NPTN: variants seen among roughly 807,000 people sequenced by gnomAD.
The protein encoded by NPTN is SDR-1.
A neutral mutation model predicts 42.7 loss-of-function variants in NPTN; 5 were observed. The observed-to-expected ratio is 0.12, with a 90% CI of 0.06 to 0.25. NPTN has a LOEUF of 0.25. Ranked by LOEUF, NPTN falls within the 10% of genes least tolerant of loss-of-function variation. The probability of loss-of-function intolerance (pLI) is 1.00; values close to 1 mark genes in which losing one functional copy is unlikely to be tolerated. For missense variants in NPTN, 307 were observed against 525.4 expected (o/e 0.58, Z 4.06); for synonymous variants, 180 against 201.9 (o/e 0.89, Z 0.92).
At chr15:73,565,102 G>T (rs1894905797) in intron 6 of NPTN, among the ~76,000 whole-genome samples, 2 of 152,226 alleles carry the variant, frequency 1.3e-5, no homozygotes, top group African/African-American at 4.8e-5. Context: ...GTTGCATGGA[G>T]GTGTTTTAGC....
At chr15:73,594,790 T>C (rs959064645) in intron 2 of NPTN, among the ~76,000 whole-genome samples, 3 of 152,184 alleles carry the variant, frequency 2.0e-5, no homozygotes, top group Non-Finnish European at 4.4e-5. Flanking sequence ...ACCTAAAAAC[T>C]GGGCACACTT....
intron 1 of NPTN, among the ~76,000 whole-genome samples, chr15:73,629,273 C>A (rs890087034): frequency 6.6e-6 from 1 of 152,190 alleles, no homozygotes; most frequent in Non-Finnish European, 1.5e-5. Context: ...TCAAGGCAAA[C>A]TATTTCTTCT....
At chr15:73,629,893 T>C (rs190390875) in intron 1 of NPTN, among the ~76,000 whole-genome samples, 2 of 151,036 alleles carry the variant, frequency 1.3e-5, no homozygotes, top group Non-Finnish European at 3.0e-5. Flanking sequence ...CAAATAAAAA[T>C]ATTAACTTCC....
At chr15:73,582,249 T>C (rs1268336552) in intron 4 of NPTN, among the ~76,000 whole-genome samples, 3 of 152,196 alleles carry the variant, frequency 2.0e-5, no homozygotes, top group African/African-American at 7.2e-5. Context: ...AACACAGAGA[T>C]TCTGCATTTA....
chr15:73,604,148 C>T (rs1336072134), intron 1 of NPTN, among the ~76,000 whole-genome samples: 2 of 151,328 alleles, frequency 1.3e-5, no homozygotes, highest in African/African-American at 4.9e-5. Flanking sequence ...AAGTCAATGA[C>T]AAAAAAGAAA....
intron 8 of NPTN, among the ~76,000 whole-genome samples, chr15:73,561,316 T>A (rs531840638): frequency 6.6e-6 from 1 of 152,276 alleles, no homozygotes; most frequent in African/African-American, 2.4e-5. Context: ...TGTAAAGATA[T>A]AATAGTAGTG....
chr15:73,561,807 A>G lies in NPTN; in HGVS notation c.*14+89T>C, dbSNP rs985250904. On this transcript the variant is annotated intron_variant, in intron 8 of 8. Coordinates refer to ENST00000345330, the MANE Select transcript of NPTN (RefSeq NM_012428.4). ...GAAATGAACTAAAATATCTTATAAC[A>G]CCAATTACTGAAGAATTTGTAACAA... 1.4e-4 allele frequency: 137 copies of G among 969,484 alleles called. 1 individual carries two copies. The South Asian group carries it at 1.8e-3, about 13-fold the overall frequency. The allele number at this position is 969,484 out of a possible 1,614,324, so 60.1% of individuals were successfully genotyped here. A position where few individuals can be genotyped will look rare whatever the true frequency, so the allele number is the denominator to read the frequency against.
At chr15:73,591,918 T>G (rs773591046) in intron 3 of NPTN, 48 bp downstream of exon 3, 1 of 1,543,638 alleles carries the variant, frequency 6.5e-7, no homozygotes, top group Non-Finnish European at 8.8e-7. Flanking sequence ...TCAAGTAAGC[T>G]CAGCCACACT....
rs1016506235 is a variant in NPTN, at chr15:73,569,890, G to A, written c.1114+260C>T. 4 of 869,486 alleles carry A rather than the reference G, an allele frequency of 4.6e-6. No homozygotes were observed. Among genetic ancestry groups the A allele is most frequent in the Non-Finnish European group, 4.1e-6 (3 of 724,698 alleles). The allele number at this position is 869,486 out of a possible 1,614,324, so 53.9% of individuals were successfully genotyped here. A position where few individuals can be genotyped will look rare whatever the true frequency, so the allele number is the denominator to read the frequency against. On this transcript the variant is annotated intron_variant, in intron 6 of 8. Transcript: ENST00000345330. This position sits in a 1 kb window ranked among gnomAD's most constrained non-coding sequence, Gnocchi z 4.1. ...GGGGCCTGAAAGGCAGATGGGACTA[G>A]GGTTTGGAAAACACCCAAACAGAGG...
chr15:73,576,996 G>T (rs1164518307), intron 4 of NPTN, among the ~76,000 whole-genome samples: 1 of 152,132 alleles, frequency 6.6e-6, no homozygotes, highest in Non-Finnish European at 1.5e-5. Flanking sequence ...TGTTCTTGAG[G>T]TTTTTTTCTG....
chr15:73,623,195 T>C (rs535698082), intron 1 of NPTN, among the ~76,000 whole-genome samples: 2 of 152,340 alleles, frequency 1.3e-5, no homozygotes, highest in African/African-American at 2.4e-5. Context: ...TCAACACGTA[T>C]TGGAAGGATT....
At chr15:73,595,241 C>G (rs1302201400) in intron 2 of NPTN, among the ~76,000 whole-genome samples, 1 of 152,130 alleles carries the variant, frequency 6.6e-6, no homozygotes, top group African/African-American at 2.4e-5. Context: ...CCAGTCCATA[C>G]CTATAAACTT....
chr15:73,568,515 T>C (rs1895174216), intron 6 of NPTN: 2 of 985,490 alleles, frequency 2.0e-6, no homozygotes, highest in African/African-American at 1.7e-5. Flanking sequence ...CAGGCAACTC[T>C]TTCCCTTTAC....
In NPTN at chr15:73,569,562, C is replaced by G. The variant is rs72741478; in HGVS notation, c.1114+588G>C. ...CTGTGAGACACAGATGGAAAGCCAC[C>G]CAGCAGAGAGCGCTGGAAACCTATC... On this transcript the variant is annotated intron_variant, in intron 6 of 8. Transcript: ENST00000345330. This position sits in a 1 kb window ranked among gnomAD's most constrained non-coding sequence, Gnocchi z 4.1. 1 of 985,418 alleles carries G rather than the reference C, an allele frequency of 1.0e-6. No homozygotes were observed. Among genetic ancestry groups the G allele is most frequent in the Non-Finnish European group, 1.2e-6 (1 of 829,934 alleles). The allele number at this position is 985,418 out of a possible 1,614,324, so 61.0% of individuals were successfully genotyped here.
chr15:73,627,631 A>G (rs190548200), intron 1 of NPTN, among the ~76,000 whole-genome samples: 18 of 152,332 alleles, frequency 1.2e-4, no homozygotes, highest in Non-Finnish European at 2.5e-4. Flanking sequence ...TCAGGTCAAA[A>G]TAATCTCAAA....
At chr15:73,613,837 C>T (rs1293289747) in intron 1 of NPTN, among the ~76,000 whole-genome samples, 1 of 152,000 alleles carries the variant, frequency 6.6e-6, no homozygotes, top group African/African-American at 2.4e-5. Flanking sequence ...AGGCGCCCAC[C>T]ACCATGCCTG....
At chr15:73,575,189 G>A (rs569015706) in intron 4 of NPTN, among the ~76,000 whole-genome samples, 2 of 152,176 alleles carry the variant, frequency 1.3e-5, no homozygotes, top group South Asian at 2.1e-4. Flanking sequence ...CATCATGTTG[G>A]TCAGGCTGGT....
chr15:73,586,429 T>C (rs1896322444), intron 4 of NPTN, among the ~76,000 whole-genome samples: 3 of 152,224 alleles, frequency 2.0e-5, no homozygotes, highest in South Asian at 4.1e-4. Flanking sequence ...GTAACTCCTT[T>C]AGGCATTCAG....
At chr15:73,574,618 G>A (rs1195909332) in intron 4 of NPTN, among the ~76,000 whole-genome samples, 2 of 152,118 alleles carry the variant, frequency 1.3e-5, no homozygotes, top group African/African-American at 4.8e-5. Context: ...TTACTATATT[G>A]CCCAGGCTGG....
Sources: allele counts gnomAD v4.1 joint callset (sites outside exome capture counted in the v4.1 genomes callset), GRCh38; gene constraint gnomAD v4.1.1; non-coding constraint Gnocchi (gnomAD v3.1); transcripts MANE v1.5; gene names NCBI Gene and HGNC (gene_info 2026-07-23, HGNC 2026-07-21).